Variants in NKAIN2 observed in about 807,000 individuals in gnomAD.
NKAIN2 encodes the protein sodium/potassium transporting ATPase interacting 2.
Under a neutral mutation model 32.6 loss-of-function variants are expected in NKAIN2, and 14 were observed. The observed-to-expected ratio is 0.43, with a 90% CI of 0.28 to 0.67. The LOEUF is 0.67. NKAIN2 is among the 30% of genes least tolerant of loss of function. NKAIN2 has a pLI of 0.17. For synonymous variants in NKAIN2, 80 were observed against 87.2 expected (o/e 0.92, Z 0.46); for missense variants, 198 against 258.3 (o/e 0.77, Z 1.60).
At chr6:124,806,923 C>G (rs12191038) in intron 5 of NKAIN2, among the ~76,000 whole-genome samples, 28,759 of 152,076 alleles carry the variant, frequency 0.19, 3,554 homozygotes, top group East Asian at 0.57. Context: ...GGGATCAATT[C>G]AACAAGAAGA....
chr6:124,811,074 C>T (rs182912686), intron 5 of NKAIN2, among the ~76,000 whole-genome samples: 1 of 152,204 alleles, frequency 6.6e-6, no homozygotes, highest in Admixed American at 6.5e-5. Flanking sequence ...GTATGTTTTA[C>T]GTTCCTTTTG....
At chr6:123,943,022 A>T (rs560719224) in intron 1 of NKAIN2, among the ~76,000 whole-genome samples, 6 of 152,166 alleles carry the variant, frequency 3.9e-5, no homozygotes, top group South Asian at 2.1e-4. Context: ...TCCCATGTGC[A>T]TTACAAAACT....
intron 4 of NKAIN2, among the ~76,000 whole-genome samples, chr6:124,730,296 C>G (rs1370591158): frequency 1.9e-5 from 2 of 106,046 alleles, no homozygotes; most frequent in African/African-American, 7.3e-5. Flanking sequence ...ATCACACTAC[C>G]TGACTTCAAA....
intron 3 of NKAIN2, among the ~76,000 whole-genome samples, chr6:124,364,520 G>A (rs1049504358): frequency 1.6e-4 from 24 of 151,918 alleles, no homozygotes; most frequent in Non-Finnish European, 2.5e-4. Context: ...AGGTGCCAAA[G>A]ATAAAAGACC....
At chr6:124,632,982 T>C (rs1197413910) in intron 3 of NKAIN2, among the ~76,000 whole-genome samples, 2 of 152,192 alleles carry the variant, frequency 1.3e-5, no homozygotes, top group Non-Finnish European at 2.9e-5. Flanking sequence ...TCTTTTATGG[T>C]GCTGGGTAGG....
intron 1 of NKAIN2, among the ~76,000 whole-genome samples, chr6:123,904,440 C>T (rs1037166670): frequency 2.6e-5 from 4 of 152,148 alleles, no homozygotes; most frequent in African/African-American, 7.2e-5. Flanking sequence ...CTGCTTTGTG[C>T]ACAGATCTGG....
At chr6:124,689,529 A>T (rs925111293) in intron 4 of NKAIN2, among the ~76,000 whole-genome samples, 6 of 152,258 alleles carry the variant, frequency 3.9e-5, no homozygotes, top group African/African-American at 1.4e-4. Flanking sequence ...CTAAAAAGTC[A>T]TCACCAAACC....
chr6:124,023,849 T>C (rs1404527788), intron 1 of NKAIN2, among the ~76,000 whole-genome samples: 3 of 152,040 alleles, frequency 2.0e-5, no homozygotes, highest in African/African-American at 4.8e-5. Flanking sequence ...TAGACATTAC[T>C]AAGAAAATTA....
At chr6:124,608,847 G>A (rs1055950644) in intron 3 of NKAIN2, among the ~76,000 whole-genome samples, 9 of 152,186 alleles carry the variant, frequency 5.9e-5, no homozygotes, top group Non-Finnish European at 1.2e-4. Context: ...ACAGGCAGAT[G>A]CCTGTGGACT....
intron 1 of NKAIN2, among the ~76,000 whole-genome samples, chr6:124,082,338 A>T (rs534692228): frequency 6.6e-6 from 1 of 152,222 alleles, no homozygotes; most frequent in South Asian, 2.1e-4. Flanking sequence ...TGTAAGCTTA[A>T]TATTAATTAG....
intron 1 of NKAIN2, among the ~76,000 whole-genome samples, chr6:124,002,448 C>CG (rs1779917115): frequency 6.8e-6 from 1 of 148,116 alleles, no homozygotes; most frequent in African/African-American, 2.6e-5. Context: ...CCTATCTGTC[C>CG]CTTTTTTTTT....
At chr6:124,774,427 CA>C (rs1382121806) in intron 4 of NKAIN2, among the ~76,000 whole-genome samples, 1 of 152,076 alleles carries the variant, frequency 6.6e-6, no homozygotes. Flanking sequence ...GCTATGGATA[CA>C]GTTAGGTGTA....
At chr6:123,850,549 A>G (rs543963223) in intron 1 of NKAIN2, among the ~76,000 whole-genome samples, 1 of 152,240 alleles carries the variant, frequency 6.6e-6, no homozygotes, top group South Asian at 2.1e-4. Flanking sequence ...CTAATTTAGT[A>G]GAAGGTCTTC....
chr6:124,127,582 G>T (rs1786238228), intron 1 of NKAIN2, among the ~76,000 whole-genome samples: 1 of 152,132 alleles, frequency 6.6e-6, no homozygotes, highest in Non-Finnish European at 1.5e-5. Context: ...TAGGATGGAG[G>T]AAAAAGACAT....
chr6:124,152,629 AT>A (rs1787788573), intron 1 of NKAIN2, among the ~76,000 whole-genome samples: 1 of 151,988 alleles, frequency 6.6e-6, no homozygotes. Context: ...TGGAAATAGA[AT>A]TACCGTATGA....
intron 2 of NKAIN2, among the ~76,000 whole-genome samples, chr6:124,319,684 A>G (rs548414682): frequency 1.7e-3 from 260 of 152,252 alleles, no homozygotes; most frequent in African/African-American, 5.8e-3. Flanking sequence ...GGGAAAATAA[A>G]TATGTCCATT....
intron 1 of NKAIN2, among the ~76,000 whole-genome samples, chr6:124,004,677 C>T (rs1239747295): frequency 1.3e-5 from 2 of 151,608 alleles, no homozygotes; most frequent in Admixed American, 1.3e-4. Context: ...CACTTGGACA[C>T]AGGGTGGGGA....
At chr6:124,350,859 C>T (rs1248349904) in intron 2 of NKAIN2, among the ~76,000 whole-genome samples, 1 of 152,182 alleles carries the variant, frequency 6.6e-6, no homozygotes, top group Non-Finnish European at 1.5e-5. Context: ...CATGGTGGCA[C>T]ATGCCTGTAG....
intron 1 of NKAIN2, among the ~76,000 whole-genome samples, chr6:123,949,038 T>A (rs75675270): frequency 0.018 from 2,679 of 152,170 alleles, 37 homozygotes; most frequent in Non-Finnish European, 0.027. Context: ...CAATGTATGT[T>A]CTTGATGCCT....
Sources: allele counts gnomAD v4.1 joint callset (sites outside exome capture counted in the v4.1 genomes callset), GRCh38; gene constraint gnomAD v4.1.1; transcripts MANE v1.5; gene names NCBI Gene and HGNC (gene_info 2026-07-23, HGNC 2026-07-21).